Variants in CYP20A1 observed in about 807,000 individuals in gnomAD.
The protein encoded by CYP20A1 is cytochrome P450 family 20 subfamily A member 1.
CYP20A1 carries 61 observed loss-of-function variants against 61.4 expected under a neutral mutation model. That is an observed-to-expected ratio of 0.99 (90% CI 0.81 to 1.23). CYP20A1 has a LOEUF of 1.23. Ranked by LOEUF, CYP20A1 falls within the 50% of genes most tolerant of loss-of-function variation. The pLI, the probability that CYP20A1 is intolerant of heterozygous loss-of-function variation, is 0.00. For missense variants in CYP20A1, 530 were observed against 542.4 expected (o/e 0.98, Z 0.23); for synonymous variants, 193 against 188.2 (o/e 1.03, Z -0.21).
Position 203,239,113 on chromosome 2 carries a change from A to G in CYP20A1, c.51A>G (p.Gly17=). The change falls in exon 1 of 13, where the codon GGA becomes GGG. Residue 17 remains glycine, a synonymous_variant. Coordinates refer to ENST00000356079, the MANE Select transcript of CYP20A1 (RefSeq NM_177538.3). ...FAVTFLLALV[G]AVLYLYPASR... is the part of the protein sequence containing the mutation. ...TTACCTTCTTGCTGGCGTTGGTGGG[A>G]GCCGTGCTCTACCTCTATCCGGTGA... 6.2e-7 allele frequency: 1 copy of G among 1,612,932 alleles called. No homozygotes were observed. Among genetic ancestry groups the G allele is most frequent in the Non-Finnish European group, 8.5e-7 (1 of 1,179,660 alleles).
intron 5 of CYP20A1, among the ~76,000 whole-genome samples, chr2:203,269,218 G>T (rs2067456015): frequency 6.6e-6 from 1 of 151,746 alleles, no homozygotes; most frequent in South Asian, 2.1e-4. Flanking sequence ...AAGGCAGGAG[G>T]ATTACTTGAG....
chr2:203,292,878 T>C (rs527643752), intron 11 of CYP20A1, among the ~76,000 whole-genome samples: 1 of 152,076 alleles, frequency 6.6e-6, no homozygotes, highest in Admixed American at 6.6e-5. Context: ...ACATCTGTTT[T>C]AAGAAAATTA....
At chr2:203,247,556 A>G (rs1209633562) in intron 3 of CYP20A1, among the ~76,000 whole-genome samples, 1 of 152,080 alleles carries the variant, frequency 6.6e-6, no homozygotes, top group East Asian at 1.9e-4. Context: ...CCAGGAAACA[A>G]TCCTAAAAAG....
Position 203,298,898 on chromosome 2 carries a change from G to T in CYP20A1, c.*1990G>T, listed in dbSNP as rs531436381. On this transcript the variant is annotated 3_prime_UTR_variant, in exon 13 of 13. Coordinates refer to ENST00000356079, the MANE Select transcript of CYP20A1 (RefSeq NM_177538.3). Reference sequence around the variant, plus strand: ...AAAATACAAAAAATTATCTGGACATGCTGGCGTGCGCCTGTAGTCTCAGCT... The same window carrying T: ...AAAATACAAAAAATTATCTGGACATTCTGGCGTGCGCCTGTAGTCTCAGCT... Among the ~76,000 whole-genome samples, 33 of 151,992 alleles carry T rather than the reference G, an allele frequency of 2.2e-4. No individual in the cohort carries two copies. Among genetic ancestry groups the T allele is most frequent in the African/African-American group, 7.7e-4 (32 of 41,480 alleles).
chr2:203,263,817 C>T (rs1288782223), intron 4 of CYP20A1, among the ~76,000 whole-genome samples: 1 of 152,066 alleles, frequency 6.6e-6, no homozygotes, highest in Non-Finnish European at 1.5e-5. Flanking sequence ...GAGACTTGCT[C>T]TGTGTCCCTG....
At chr2:203,254,625 G>C (rs531689060) in intron 4 of CYP20A1, among the ~76,000 whole-genome samples, 1 of 151,904 alleles carries the variant, frequency 6.6e-6, no homozygotes, top group East Asian at 1.9e-4. Flanking sequence ...ATTATACTGC[G>C]TGGATAGTCT....
At chr2:203,291,557 C>T (rs941007248) in intron 10 of CYP20A1, among the ~76,000 whole-genome samples, 1 of 152,060 alleles carries the variant, frequency 6.6e-6, no homozygotes, top group African/African-American at 2.4e-5. Context: ...GTCTTTATAA[C>T]TTTCACTCAT....
chr2:203,280,492 C>T (rs1040716510), intron 8 of CYP20A1, among the ~76,000 whole-genome samples: 22 of 152,146 alleles, frequency 1.4e-4, no homozygotes, highest in African/African-American at 5.3e-4. Context: ...CACTTGAGCC[C>T]AGGAGTTCGA....
chr2:203,280,110 A>G lies in CYP20A1; in HGVS notation c.847A>G (p.Lys283Glu). The stretch of plus-strand genomic sequence containing the variant: ...TCTGGCCAGTTGCATAATAACTGCA[A>G]AATGTAAGTATAAATTGATTTCTTT... The part of the protein sequence containing the change: ...FSLASCIITA[K>E]LCTWAICFLT... Residue 283 changes from lysine (K) to glutamate (E), a missense_variant, in exon 8 of 13, where the codon AAA becomes GAA. Physicochemically the swap from Lys to Glu is moderately conservative, Grantham distance 56. Transcript: ENST00000356079. 6.2e-7 allele frequency: 1 copy of G among 1,602,842 alleles called. No individual in the cohort carries two copies. Among genetic ancestry groups the G allele is most frequent in the African/African-American group, 1.3e-5 (1 of 74,822 alleles).
At chr2:203,252,191 T>C in intron 4 of CYP20A1, 82 bp downstream of exon 4, 1 of 1,089,266 alleles carries the variant, frequency 9.2e-7, no homozygotes, top group Non-Finnish European at 1.2e-6. Context: ...TGTACTATCT[T>C]TGTTACTCTT....
chr2:203,295,800 T>A (rs1004809360), intron 11 of CYP20A1, among the ~76,000 whole-genome samples: 2 of 151,672 alleles, frequency 1.3e-5, no homozygotes, highest in Non-Finnish European at 2.9e-5. Flanking sequence ...AATAAAAAAA[T>A]TAGCTGGGTG....
In CYP20A1 at chr2:203,296,982, C is replaced by T. The variant is rs878924882; in HGVS notation, c.*74C>T. ...ATTTAAAAAAAATCTATGTTGAATC[C>T]TTTTATAAACCAGTATCACTTTGTA... On this transcript the variant is annotated 3_prime_UTR_variant, in exon 13 of 13. Coordinates refer to ENST00000356079, the MANE Select transcript of CYP20A1 (RefSeq NM_177538.3). The T allele has an allele frequency of 1.9e-5, 16 of 858,700 alleles. No homozygotes were observed. In the South Asian group the frequency reaches 2.9e-4, roughly 15 times the overall value. The allele number at this position is 858,700 out of a possible 1,614,324, so 53.2% of individuals were successfully genotyped here. A position where few individuals can be genotyped will look rare whatever the true frequency, so the allele number is the denominator to read the frequency against.
At chr2:203,294,941 A>AAT (rs2068718528) in intron 11 of CYP20A1, among the ~76,000 whole-genome samples, 1 of 45,436 alleles carries the variant, frequency 2.2e-5, no homozygotes, top group African/African-American at 8.5e-5. Context: ...CTTTAAAAAA[A>AAT]TTTTTTTTTT....
chr2:203,255,154 T>G (rs1345716680), intron 4 of CYP20A1, among the ~76,000 whole-genome samples: 1 of 152,206 alleles, frequency 6.6e-6, no homozygotes, highest in East Asian at 1.9e-4. Context: ...TGCTTATTTC[T>G]CTTTCCCCTT....
rs781130379 is a variant in CYP20A1 at position 203,300,162 on chromosome 2, A to C, written c.*3254A>C. Among the ~76,000 whole-genome samples, 40 of 152,218 alleles carry C rather than the reference A, an allele frequency of 2.6e-4. No homozygotes were observed. The highest frequency in any genetic ancestry group is 2.9e-4 in the Non-Finnish European group (20 of 68,032). The stretch of plus-strand genomic sequence containing the variant: ...CAGCCAGTTGGCATAACTGCCAATA[A>C]ATGAGGCAGTGTAGAATAACTAATA... On this transcript the variant is annotated 3_prime_UTR_variant, in exon 13 of 13. Coordinates refer to ENST00000356079, the MANE Select transcript of CYP20A1 (RefSeq NM_177538.3).
At chr2:203,263,352 C>G (rs750326739) in intron 4 of CYP20A1, among the ~76,000 whole-genome samples, 2 of 148,742 alleles carry the variant, frequency 1.3e-5, no homozygotes, top group Admixed American at 1.4e-4. Flanking sequence ...TGTTGTGGCG[C>G]GATCTCGGCT....
intron 6 of CYP20A1, among the ~76,000 whole-genome samples, chr2:203,274,481 C>T (rs886284366): frequency 1.3e-5 from 2 of 152,026 alleles, no homozygotes; most frequent in African/African-American, 2.4e-5. Context: ...CCACCACGTC[C>T]GGCCAATACT....
chr2:203,300,891 G>GAAAAAA lies in CYP20A1; in HGVS notation c.*4000_*4005dup, dbSNP rs1163039964. ...GCAATAAGAGCAAAACTCCGTCTCAGAAAAAAAAAAAAAAAAAAAAAACGG... is the reference window on the plus strand; with the variant it reads ...GCAATAAGAGCAAAACTCCGTCTCAGAAAAAAAAAAAAAAAAAAAAAAAAAAAACGG... On this transcript the variant is annotated 3_prime_UTR_variant, in exon 13 of 13. Coordinates refer to ENST00000356079, the MANE Select transcript of CYP20A1 (RefSeq NM_177538.3). Among the ~76,000 whole-genome samples, 2 of 37,040 alleles carry GAAAAAA rather than the reference G, an allele frequency of 5.4e-5. No homozygotes were observed. The highest frequency in any genetic ancestry group is 6.0e-5 in the Non-Finnish European group (1 of 16,708). The allele number at this position is 37,040 out of a possible 152,430, so 24.3% of individuals were successfully genotyped here.
chr2:203,253,578 T>C (rs1440594210), intron 4 of CYP20A1, among the ~76,000 whole-genome samples: 1 of 152,202 alleles, frequency 6.6e-6, no homozygotes, highest in Non-Finnish European at 1.5e-5. Flanking sequence ...GAACGTGGTT[T>C]TTATAAGCAG....
Sources: gnomAD v4.1 joint callset for allele counts (sites outside exome capture counted in the v4.1 genomes callset) on GRCh38, gnomAD v4.1.1 for gene constraint, MANE v1.5 for transcripts, NCBI Gene and HGNC (gene_info 2026-07-23, HGNC 2026-07-21) for gene names.